Variants in MLLT10 observed in about 807,000 individuals in gnomAD.
MLLT10 encodes protein AF-10.
A neutral mutation model predicts 129.1 loss-of-function variants in MLLT10; 30 were observed. That is an observed-to-expected ratio of 0.23 (90% CI 0.17 to 0.32). The LOEUF (loss-of-function observed/expected upper bound fraction) is 0.32, where lower values mean the gene tolerates loss of function less well. MLLT10 is among the 10% of genes least tolerant of loss of function. The pLI is 1.00. For synonymous variants in MLLT10, 490 were observed against 446.4 expected (o/e 1.10, Z -1.23); for missense variants, 1,119 against 1,268.3 (o/e 0.88, Z 1.79).
chr10:21,661,756 T>G (rs72794869), intron 9 of MLLT10: 69 of 152,316 alleles, frequency 4.5e-4, no homozygotes, highest in Non-Finnish European at 8.5e-4. Flanking sequence ...TCCTTTAAAC[T>G]CTACATGTCT....
intron 3 of MLLT10, chr10:21,557,860 C>G (rs999964859): frequency 6.7e-6 from 1 of 149,912 alleles, no homozygotes; most frequent in Admixed American, 6.7e-5. Context: ...GGGGTGGGTG[C>G]TGTTTGCAAA....
rs1232979900 is a variant in MLLT10, at chr10:21,534,495, G to T, written c.-26G>T. ...ATGGCTCCTGACTCCTGTGCGGAAC[G>T]TGAGTGACTGAGCGGCAAAGCCCGA... On this transcript the variant is annotated 5_prime_UTR_variant, in exon 1 of 23. Coordinates refer to ENST00000307729, the MANE Select transcript of MLLT10 (RefSeq NM_001195626.3). 2 of 771,594 alleles carry T rather than the reference G, an allele frequency of 2.6e-6. No homozygotes were observed. Among genetic ancestry groups the T allele is most frequent in the Non-Finnish European group, 4.0e-6 (2 of 493,940 alleles). 47.8% of individuals were successfully genotyped at this position (771,594 alleles called of 1,614,324 possible).
intron 2 of MLLT10, among the ~76,000 whole-genome samples, chr10:21,537,998 T>G (rs993880040): frequency 6.6e-6 from 1 of 151,756 alleles, no homozygotes; most frequent in East Asian, 1.9e-4. Context: ...TATTTAGAAA[T>G]AAACATACCT....
chr10:21,697,146 A>G (rs2054456654), intron 13 of MLLT10, among the ~76,000 whole-genome samples: 1 of 144,218 alleles, frequency 6.9e-6, no homozygotes, highest in Non-Finnish European at 1.5e-5. Context: ...TTAGGTGTGT[A>G]TAGTTACAGT....
At chr10:21,578,158 G>A (rs1232343099) in intron 3 of MLLT10, among the ~76,000 whole-genome samples, 3 of 152,194 alleles carry the variant, frequency 2.0e-5, no homozygotes, top group Non-Finnish European at 4.4e-5. Context: ...ACCTCCCAAA[G>A]TGTTGAGATT....
intron 13 of MLLT10, among the ~76,000 whole-genome samples, chr10:21,704,339 C>CTG (rs2055254928): frequency 1.8e-5 from 1 of 57,036 alleles, no homozygotes; most frequent in Admixed American, 1.7e-4. Flanking sequence ...TTCTCTCTCT[C>CTG]TCTCTCTCTC....
intron 3 of MLLT10, among the ~76,000 whole-genome samples, chr10:21,566,637 G>GT (rs776351494): frequency 2.9e-4 from 44 of 151,438 alleles, no homozygotes; most frequent in African/African-American, 8.7e-4. Context: ...TTTAGTTTTT[G>GT]TTTTTTTGAC....
At chr10:21,676,905 G>A (rs1331925929) in intron 11 of MLLT10, among the ~76,000 whole-genome samples, 3 of 152,004 alleles carry the variant, frequency 2.0e-5, no homozygotes, top group Admixed American at 6.6e-5. Context: ...AGTAAAAAGC[G>A]TATCCTTATC....
chr10:21,630,758 G>T (rs2046920917), intron 8 of MLLT10, among the ~76,000 whole-genome samples: 1 of 152,184 alleles, frequency 6.6e-6, no homozygotes, highest in South Asian at 2.1e-4. Context: ...TGAAACTGTG[G>T]TGAACTAACT....
chr10:21,684,178 T>G (rs2053044814), intron 13 of MLLT10, among the ~76,000 whole-genome samples: 1 of 152,106 alleles, frequency 6.6e-6, no homozygotes, highest in African/African-American at 2.4e-5. Context: ...GCCTGGCTAA[T>G]ACATTATTTT....
At chr10:21,631,313 CAAAAAAAAAA>C (rs991306894) in intron 8 of MLLT10, among the ~76,000 whole-genome samples, 2 of 47,776 alleles carry the variant, frequency 4.2e-5, no homozygotes, top group Non-Finnish European at 8.9e-5. Context: ...GACTCCGTCT[CAAAAAAAAAA>C]AAAAAAAAAA....
At chr10:21,588,623 A>G (rs2042221140) in intron 4 of MLLT10, among the ~76,000 whole-genome samples, 1 of 152,036 alleles carries the variant, frequency 6.6e-6, no homozygotes, top group Non-Finnish European at 1.5e-5. Flanking sequence ...TTTTACCAAT[A>G]TATGTTCCCA....
intron 3 of MLLT10, among the ~76,000 whole-genome samples, chr10:21,563,972 C>G (rs565738589): frequency 7.8e-4 from 119 of 152,162 alleles, no homozygotes; most frequent in African/African-American, 2.6e-3. Flanking sequence ...GCCACCACGA[C>G]TGGCTAATTT....
At chr10:21,554,021 T>G (rs777331160) in intron 3 of MLLT10, among the ~76,000 whole-genome samples, 1 of 152,212 alleles carries the variant, frequency 6.6e-6, no homozygotes, top group Non-Finnish European at 1.5e-5. Context: ...TTTAACCTGG[T>G]TATTCTGATA....
chr10:21,563,350 C>G (rs1237402918), intron 3 of MLLT10, among the ~76,000 whole-genome samples: 1 of 151,982 alleles, frequency 6.6e-6, no homozygotes, highest in African/African-American at 2.4e-5. Context: ...ATGGTGAAAC[C>G]TGTCTCTACT....
intron 3 of MLLT10, among the ~76,000 whole-genome samples, chr10:21,581,038 C>T (rs996204317): frequency 3.4e-4 from 50 of 148,836 alleles, no homozygotes; most frequent in Admixed American, 8.1e-4. Context: ...TTTTAATGTT[C>T]AGTGAATTTT....
At chr10:21,535,370 G>A (rs1278089372) in intron 2 of MLLT10, among the ~76,000 whole-genome samples, 1 of 152,078 alleles carries the variant, frequency 6.6e-6, no homozygotes, top group Non-Finnish European at 1.5e-5. Flanking sequence ...CGAGCCAGAA[G>A]GCTCGGGCCC....
rs572448054 is a variant in MLLT10 at position 21,685,330 on chromosome 10, G to A, written c.1699+3073G>A. On this transcript the variant is annotated intron_variant, in intron 13 of 22. Coordinates refer to ENST00000307729, the MANE Select transcript of MLLT10 (RefSeq NM_001195626.3). ...AATTAATACAAGTGAAATGACCAAGGAAAGATGATTATTATTATTTTTGAG... is the reference window on the plus strand; with the variant it reads ...AATTAATACAAGTGAAATGACCAAGAAAAGATGATTATTATTATTTTTGAG... Among the ~76,000 whole-genome samples, 52 of 152,132 alleles carry A rather than the reference G, an allele frequency of 3.4e-4. No individual in the cohort carries two copies. In the South Asian group the frequency reaches 5.4e-3, roughly 16 times the overall value.
At chr10:21,656,656 A>G (rs1454194785) in intron 9 of MLLT10, among the ~76,000 whole-genome samples, 3 of 152,222 alleles carry the variant, frequency 2.0e-5, no homozygotes, top group Non-Finnish European at 4.4e-5. Flanking sequence ...ATTAGCAACA[A>G]GTATCTACTT....
Sources: gnomAD v4.1 joint callset for allele counts (sites outside exome capture counted in the v4.1 genomes callset) on GRCh38, gnomAD v4.1.1 for gene constraint, MANE v1.5 for transcripts, NCBI Gene and HGNC (gene_info 2026-07-23, HGNC 2026-07-21) for gene names.